AKAP9: variants seen among roughly 807,000 people sequenced by gnomAD.
The protein encoded by AKAP9 is A-kinase anchor protein 9.
Under a neutral mutation model 488.5 loss-of-function variants are expected in AKAP9, and 311 were observed. The observed-to-expected ratio is 0.64, with a 90% CI of 0.58 to 0.70. AKAP9 has a LOEUF of 0.70. Among genes scored for constraint, AKAP9 ranks in the 30% least tolerant of loss-of-function variants. AKAP9 has a pLI of 0.00. For missense variants in AKAP9, 4,215 were observed against 4,374.5 expected (o/e 0.96, Z 1.03); for synonymous variants, 1,462 against 1,483.5 (o/e 0.99, Z 0.33).
At chr7:92,088,116 T>C (rs1278432497) in intron 37 of AKAP9, among the ~76,000 whole-genome samples, 2 of 152,126 alleles carry the variant, frequency 1.3e-5, no homozygotes, top group Admixed American at 1.3e-4. Flanking sequence ...AAATCTTCTT[T>C]AATTACCAGG....
Position 92,076,836 on chromosome 7 carries a change from G to A in AKAP9, c.6613-19G>A, listed in dbSNP as rs750979401. 1 of 1,352,392 alleles carries A rather than the reference G, an allele frequency of 7.4e-7. No individual in the cohort carries two copies. Among genetic ancestry groups the A allele is most frequent in the East Asian group, 2.4e-5 (1 of 41,890 alleles). The allele number at this position is 1,352,392 out of a possible 1,614,324, so 83.8% of individuals were successfully genotyped here. A position where few individuals can be genotyped will look rare whatever the true frequency, so the allele number is the denominator to read the frequency against. The stretch of plus-strand genomic sequence containing the variant: ...TTTGTATAAACATTTTTTCTCTTTT[G>A]ATAATTTTGTTATTAAAGATTACAA... On this transcript the variant is annotated intron_variant, in intron 28 of 49. Transcript: ENST00000356239.
chr7:92,059,195 A>T (rs992763444), intron 22 of AKAP9, among the ~76,000 whole-genome samples: 1 of 151,954 alleles, frequency 6.6e-6, no homozygotes, highest in Admixed American at 6.6e-5. Flanking sequence ...CTTTACATGT[A>T]CTTTTAATGT....
At chr7:92,065,830 A>G (rs1296340162) in intron 25 of AKAP9, among the ~76,000 whole-genome samples, 1 of 152,198 alleles carries the variant, frequency 6.6e-6, no homozygotes, top group Non-Finnish European at 1.5e-5. Context: ...TGTAAAAGAT[A>G]CACATAGAAC....
chr7:92,087,385 T>C (rs1814736625), intron 37 of AKAP9, among the ~76,000 whole-genome samples: 1 of 152,162 alleles, frequency 6.6e-6, no homozygotes, highest in Non-Finnish European at 1.5e-5. Context: ...ACTAAAGATA[T>C]ACCTGAGATA....
chr7:92,009,252 A>G (rs1800362635), intron 8 of AKAP9, among the ~76,000 whole-genome samples: 1 of 152,186 alleles, frequency 6.6e-6, no homozygotes, highest in East Asian at 1.9e-4. Flanking sequence ...TCTCTAAAAC[A>G]AACTAACAAA....
At chr7:92,094,641 T>C (rs1186069441) in intron 39 of AKAP9, among the ~76,000 whole-genome samples, 6 of 152,118 alleles carry the variant, frequency 3.9e-5, no homozygotes, top group Non-Finnish European at 8.8e-5. Flanking sequence ...GAAACCATCC[T>C]GGCCAAAATG....
chr7:91,949,259 C>G (rs1167211682), intron 1 of AKAP9, among the ~76,000 whole-genome samples: 1 of 152,038 alleles, frequency 6.6e-6, no homozygotes, highest in Non-Finnish European at 1.5e-5. Flanking sequence ...GTGGGATTAT[C>G]TTCCATATAT....
intron 3 of AKAP9, among the ~76,000 whole-genome samples, chr7:91,987,530 G>A (rs181781314): frequency 1.5e-3 from 234 of 152,200 alleles, no homozygotes; most frequent in Non-Finnish European, 2.7e-3. Context: ...GATTCACAAC[G>A]GATTATACTT....
intron 39 of AKAP9, among the ~76,000 whole-genome samples, 177 bp downstream of exon 39, chr7:92,093,493 G>A (rs1268537501): frequency 1.3e-5 from 2 of 152,114 alleles, no homozygotes; most frequent in Non-Finnish European, 2.9e-5. Flanking sequence ...ATGAACTTAT[G>A]ATCGTGATTA....
At chr7:91,941,232 C>G (rs1041751974) in intron 1 of AKAP9, 85 bp downstream of exon 1, 2 of 1,387,446 alleles carry the variant, frequency 1.4e-6, no homozygotes, top group Non-Finnish European at 2.0e-6. Context: ...CGGAGTTCGC[C>G]GCAGCCCCAG....
At chr7:92,030,131 C>T (rs1563013155) in intron 15 of AKAP9, 140 bp downstream of exon 15, 9 of 641,786 alleles carry the variant, frequency 1.4e-5, no homozygotes, top group South Asian at 8.4e-5. Flanking sequence ...ATATAGAAAA[C>T]TCAGAATACA....
At chr7:91,976,447 T>A (rs1363389898) in intron 2 of AKAP9, among the ~76,000 whole-genome samples, 3 of 152,210 alleles carry the variant, frequency 2.0e-5, no homozygotes, top group Non-Finnish European at 4.4e-5. Context: ...TGTCTTGAAC[T>A]CCTGGATTCA....
chr7:92,105,617 T>C lies in AKAP9; in HGVS notation c.11331-61T>C, dbSNP rs77428008. On this transcript the variant is annotated intron_variant, in intron 46 of 49. Transcript: ENST00000356239. Reference sequence around the variant, plus strand: ...ATTTAAACGTGTGATGTGATTTTTGTAGGAAATGTATATACTGTTTATAGA... The same window carrying C: ...ATTTAAACGTGTGATGTGATTTTTGCAGGAAATGTATATACTGTTTATAGA... 3.4e-3 allele frequency: 4,098 copies of C among 1,200,540 alleles called. 107 individuals are homozygous for C. In the African/African-American group the frequency reaches 0.051, roughly 15 times the overall value. The allele number at this position is 1,200,540 out of a possible 1,614,324, so 74.4% of individuals were successfully genotyped here. A position where few individuals can be genotyped will look rare whatever the true frequency, so the allele number is the denominator to read the frequency against.
chr7:92,045,177 T>A lies in AKAP9; in HGVS notation c.5332T>A (p.Ser1778Thr), dbSNP rs1554430888. The change falls in exon 21 of 50, where the codon TCT (serine) becomes ACT (threonine). Residue 1778 changes from serine (S) to threonine (T), a missense_variant. This residue lies in a region of AKAP9 where 2,361 missense variants were observed against 2,430.0 expected (regional missense o/e 0.97). Coordinates refer to ENST00000356239, the MANE Select transcript of AKAP9 (RefSeq NM_005751.5). ...AATTTGGAGGTCAGAAGCAGAGGCA[T>A]CTGTAAAGTCATGTGTCCATGAGGA... ...SLIWRSEAEA[S>T]VKSCVHEEHT... 1 of 1,613,964 alleles carries A rather than the reference T, an allele frequency of 6.2e-7. No individual in the cohort carries two copies. Among genetic ancestry groups the A allele is most frequent in the Non-Finnish European group, 8.5e-7 (1 of 1,179,970 alleles).
At position 92,031,498 on chromosome 7, in the gene AKAP9, G is replaced by A; in HGVS notation, c.4246-14G>A. ...TTAATGTAAATAAATGTCATATTTT[G>A]CTTTTAAATGTAGTTTTCTGGTGAA... On this transcript the variant is annotated splice_polypyrimidine_tract_variant and intron_variant, in intron 15 of 49. Transcript: ENST00000356239. 2 of 1,558,696 alleles carry A rather than the reference G, an allele frequency of 1.3e-6. No homozygotes were observed. The highest frequency in any genetic ancestry group is 1.8e-6 in the Non-Finnish European group (2 of 1,130,374).
chr7:91,950,271 C>G (rs1792035653), intron 1 of AKAP9, among the ~76,000 whole-genome samples: 1 of 149,594 alleles, frequency 6.7e-6, no homozygotes, highest in Non-Finnish European at 1.5e-5. Flanking sequence ...GCTCTGTCAC[C>G]CAGGCTGGAG....
At chr7:92,102,212 A>T (rs1457392943) in intron 45 of AKAP9, among the ~76,000 whole-genome samples, 1 of 149,898 alleles carries the variant, frequency 6.7e-6, no homozygotes, top group East Asian at 1.9e-4. Context: ...TAGATAGATT[A>T]GTGACCCTAA....
chr7:92,015,155 G>A (rs1453808474), intron 10 of AKAP9, among the ~76,000 whole-genome samples: 1 of 152,136 alleles, frequency 6.6e-6, no homozygotes, highest in African/African-American at 2.4e-5. Flanking sequence ...TGATTTTTAA[G>A]TCTAGAAGTT....
intron 3 of AKAP9, among the ~76,000 whole-genome samples, chr7:91,991,688 G>T (rs923505895): frequency 2.0e-5 from 3 of 151,540 alleles, no homozygotes; most frequent in East Asian, 3.9e-4. Flanking sequence ...AGCCAGGATG[G>T]TCTCGATCTC....
Sources: gnomAD v4.1 joint callset for allele counts (sites outside exome capture counted in the v4.1 genomes callset) on GRCh38, gnomAD v4.1.1 for gene constraint, gnomAD v4.1.1 regional missense constraint, MANE v1.5 for transcripts, NCBI Gene and HGNC (gene_info 2026-07-23, HGNC 2026-07-21) for gene names.